ITGB8: variants seen among roughly 807,000 people sequenced by gnomAD.
ITGB8 encodes integrin beta-8.
Under a neutral mutation model 89.5 loss-of-function variants are expected in ITGB8, and 30 were observed. The observed-to-expected ratio is 0.34, with a 90% CI of 0.25 to 0.45. ITGB8 has a LOEUF of 0.45. ITGB8 is among the 20% of genes least tolerant of loss of function. The pLI is 1.00. For missense variants in ITGB8, 836 were observed against 933.3 expected, an observed-to-expected ratio of 0.90 and a Z score of 1.36; for synonymous variants, 335 against 320.4, an observed-to-expected ratio of 1.05 and a Z score of -0.49.
chr7:20,348,203 T>C (rs1468747030), intron 1 of ITGB8, among the ~76,000 whole-genome samples: 3 of 152,066 alleles, frequency 2.0e-5, no homozygotes, highest in African/African-American at 7.2e-5. Flanking sequence ...ATTAAAACAG[T>C]GAAAGTGAAA....
chr7:20,367,683 T>C (rs1411566044), intron 3 of ITGB8, among the ~76,000 whole-genome samples: 2 of 152,052 alleles, frequency 1.3e-5, no homozygotes, highest in Admixed American at 1.3e-4. Context: ...TTAGAGACTT[T>C]GTAATAGACT....
chr7:20,332,317 G>T (rs206200), intron 1 of ITGB8, among the ~76,000 whole-genome samples: 1 of 152,124 alleles, frequency 6.6e-6, no homozygotes, highest in African/African-American at 2.4e-5. Flanking sequence ...GGTCCACTAA[G>T]GACTAACTTG....
At chr7:20,408,427 G>T (rs77184987) in intron 12 of ITGB8, among the ~76,000 whole-genome samples, 1,617 of 151,036 alleles carry the variant, frequency 0.011, 33 homozygotes, top group African/African-American at 0.037. Flanking sequence ...CACTTGAGAG[G>T]AACCCTTTCC....
At chr7:20,395,683 A>G (rs1034616606) in intron 8 of ITGB8, among the ~76,000 whole-genome samples, 1 of 152,194 alleles carries the variant, frequency 6.6e-6, no homozygotes, top group Non-Finnish European at 1.5e-5. Flanking sequence ...TACCACTAAG[A>G]TCCAGTCACT....
chr7:20,389,685 A>G (rs1786775243), intron 6 of ITGB8, among the ~76,000 whole-genome samples: 1 of 152,162 alleles, frequency 6.6e-6, no homozygotes, highest in Non-Finnish European at 1.5e-5. Flanking sequence ...GTTGTCATTA[A>G]AAAATATTTC....
chr7:20,388,372 A>C lies in ITGB8; in HGVS notation c.961-3031A>C, dbSNP rs77266292. On this transcript the variant is annotated intron_variant, in intron 6 of 13. Coordinates refer to ENST00000222573, the MANE Select transcript of ITGB8 (RefSeq NM_002214.3). ...CACCAGAACAGGAGAGTTGGCTGAG[A>C]GGGAGCGTGTCTCCTGCTAGTGAAA... Among the ~76,000 whole-genome samples, 173 of 152,344 alleles carry C rather than the reference A, an allele frequency of 1.1e-3. 7 individuals carry two copies. The East Asian group carries it at 0.031, about 27-fold the overall frequency.
At chr7:20,406,575 G>T (rs1276259796) in intron 12 of ITGB8, among the ~76,000 whole-genome samples, 1 of 151,246 alleles carries the variant, frequency 6.6e-6, no homozygotes, top group East Asian at 1.9e-4. Flanking sequence ...AGGACTGAGG[G>T]CTTTATTTTT....
At chr7:20,395,554 T>G (rs1787038367) in intron 8 of ITGB8, among the ~76,000 whole-genome samples, 1 of 152,244 alleles carries the variant, frequency 6.6e-6, no homozygotes, top group African/African-American at 2.4e-5. Context: ...ATCAGTCCTA[T>G]GAAGAGTGAA....
chr7:20,336,823 G>C (rs947246907), intron 1 of ITGB8, among the ~76,000 whole-genome samples: 2 of 152,150 alleles, frequency 1.3e-5, no homozygotes, highest in Non-Finnish European at 2.9e-5. Context: ...GTACACAGTA[G>C]GTCTTCACAA....
In ITGB8 at chr7:20,415,458, T is replaced by C. The variant is rs889126899; in HGVS notation, c.*5461T>C. The C allele has an allele frequency of 6.6e-6, 1 of 152,444 alleles. No homozygotes were observed. Among genetic ancestry groups the C allele is most frequent in the East Asian group, 1.9e-4 (1 of 5,204 alleles). The allele number at this position is 152,444 out of a possible 1,614,324, so 9.4% of individuals were successfully genotyped here. A position where few individuals can be genotyped will look rare whatever the true frequency, so the allele number is the denominator to read the frequency against. On this transcript the variant is annotated 3_prime_UTR_variant, in exon 14 of 14. Coordinates refer to ENST00000222573, the MANE Select transcript of ITGB8 (RefSeq NM_002214.3). ...TTATCACTGAACATATTTCTTATTA[T>C]TTCTGGCTTTGAATTATACGTAACT...
intron 12 of ITGB8, among the ~76,000 whole-genome samples, chr7:20,409,020 C>T (rs969160866): frequency 1.3e-5 from 2 of 152,120 alleles, no homozygotes; most frequent in Non-Finnish European, 2.9e-5. Flanking sequence ...ACTCCTATTT[C>T]CTGGAGAAGC....
intron 3 of ITGB8, among the ~76,000 whole-genome samples, chr7:20,367,547 G>T (rs1785751887): frequency 6.6e-6 from 1 of 151,722 alleles, no homozygotes; most frequent in African/African-American, 2.4e-5. Flanking sequence ...TAAGTACTCT[G>T]TAAGTATTTG....
In ITGB8 at chr7:20,410,152, T is replaced by A; in HGVS notation, c.*155T>A. On this transcript the variant is annotated 3_prime_UTR_variant, in exon 14 of 14. Coordinates refer to ENST00000222573, the MANE Select transcript of ITGB8 (RefSeq NM_002214.3). ...CGAAGACTGACAAGTATCCTCATCATGATGTGACTCACATAGCTGCTGACT... is the reference window on the plus strand; with the variant it reads ...CGAAGACTGACAAGTATCCTCATCAAGATGTGACTCACATAGCTGCTGACT... The A allele has an allele frequency of 2.8e-6, 2 of 702,372 alleles. No homozygotes were observed. Among genetic ancestry groups the A allele is most frequent in the South Asian group, 3.9e-5 (2 of 51,622 alleles). 43.5% of individuals were successfully genotyped at this position (702,372 alleles called of 1,614,324 possible).
At chr7:20,339,406 A>C (rs1784681795) in intron 1 of ITGB8, among the ~76,000 whole-genome samples, 1 of 152,222 alleles carries the variant, frequency 6.6e-6, no homozygotes. Context: ...CTTTCGCAGT[A>C]AGTAAATTAT....
intron 3 of ITGB8, among the ~76,000 whole-genome samples, chr7:20,370,577 T>A (rs975966599): frequency 1.4e-5 from 2 of 147,438 alleles, no homozygotes; most frequent in Non-Finnish European, 3.0e-5. Context: ...ACTTTTACAC[T>A]ACTTTATTTA....
chr7:20,410,555 A>G lies in ITGB8; in HGVS notation c.*558A>G, dbSNP rs1787725747. ...GATACAACCTTAATCTTAAAAGATT[A>G]TTGCTTTTTAAAGTGTGTAGTTTTA... On this transcript the variant is annotated 3_prime_UTR_variant, in exon 14 of 14. Transcript: ENST00000222573. The G allele has an allele frequency of 6.6e-6, 1 of 152,340 alleles. No homozygotes were observed. Among genetic ancestry groups the G allele is most frequent in the African/African-American group, 2.4e-5 (1 of 41,458 alleles). The allele number at this position is 152,340 out of a possible 1,614,324, so 9.4% of individuals were successfully genotyped here.
chr7:20,399,180 C>A (rs569970948), intron 9 of ITGB8, 186 bp downstream of exon 9: 6 of 579,372 alleles, frequency 1.0e-5, no homozygotes, highest in African/African-American at 5.7e-5. Context: ...GCTGATTGTT[C>A]TCTCCAACTC....
rs1355869654 is a variant in ITGB8, at chr7:20,380,734, C to A, written c.704C>A (p.Thr235Asn). The A allele has an allele frequency of 1.2e-6, 2 of 1,613,102 alleles. No individual in the cohort carries two copies. The highest frequency in any genetic ancestry group is 1.3e-5 in the African/African-American group (1 of 74,896). The change falls in exon 5 of 14, where the codon ACT becomes AAT. Residue 235 changes from threonine to asparagine, a missense_variant. By Grantham distance (65) the Thr-to-Asn change is moderately conservative. Transcript: ENST00000222573. ...GTGCTGTCTTTGACAGAGAACATCA[C>A]TGAGTTTGAGAAAGCAGTTCATAGA... ...IHVLSLTENITEFEKAVHRQK... is the reference protein window; with the variant it reads ...IHVLSLTENINEFEKAVHRQK...
At chr7:20,391,293 C>T in intron 6 of ITGB8, 110 bp from the exon 7 acceptor site, 7 of 480,246 alleles carry the variant, frequency 1.5e-5, no homozygotes, top group South Asian at 6.2e-5. Flanking sequence ...AACCATAGTC[C>T]TTCCCAGGTA....
Sources: gnomAD v4.1 joint callset for allele counts (sites outside exome capture counted in the v4.1 genomes callset) on GRCh38, gnomAD v4.1.1 for gene constraint, MANE v1.5 for transcripts, NCBI Gene and HGNC (gene_info 2026-07-23, HGNC 2026-07-21) for gene names.